Variants in NGEF observed in about 807,000 individuals in gnomAD.
NGEF encodes the protein neuronal guanine nucleotide exchange factor.
In NGEF, 31 loss-of-function variants were observed where a neutral mutation model predicts 80.9. The observed-to-expected ratio is 0.38, with a 90% CI of 0.29 to 0.52. The LOEUF is 0.52. NGEF is among the 20% of genes least tolerant of loss of function. NGEF has a pLI of 0.84. For synonymous variants in NGEF, 371 were observed against 370.2 expected (o/e 1.00, Z -0.03); for missense variants, 709 against 926.2 (o/e 0.77, Z 3.04).
chr2:232,895,613 G>C (rs1303451162), intron 5 of NGEF, among the ~76,000 whole-genome samples: 2 of 152,036 alleles, frequency 1.3e-5, no homozygotes, highest in Admixed American at 1.3e-4. Flanking sequence ...GTGCTAGTGG[G>C]TGCGAAAGTC....
At chr2:232,885,509 C>G (rs1424345485) in intron 9 of NGEF, 140 bp from the exon 10 acceptor site, 6 of 671,542 alleles carry the variant, frequency 8.9e-6, no homozygotes, top group Non-Finnish European at 1.6e-5. Flanking sequence ...GCTGGCCAGT[C>G]TCAGTCGGAC....
chr2:232,968,461 A>G (rs1425737404), intron 3 of NGEF, among the ~76,000 whole-genome samples: 2 of 151,036 alleles, frequency 1.3e-5, no homozygotes, highest in African/African-American at 4.9e-5. Context: ...GCTGGAGGGC[A>G]ATGGCATGAT....
chr2:232,951,265 A>T (rs1182844421), intron 3 of NGEF, among the ~76,000 whole-genome samples: 1 of 151,818 alleles, frequency 6.6e-6, no homozygotes, highest in Non-Finnish European at 1.5e-5. Context: ...CATCCCTGGC[A>T]CCTCCTGAGG....
At chr2:232,894,626 T>G (rs950437995) in intron 6 of NGEF, 130 bp downstream of exon 6, 10 of 981,238 alleles carry the variant, frequency 1.0e-5, no homozygotes, top group Admixed American at 2.6e-5. Context: ...TATTTATATT[T>G]TATTATGGAA....
Position 232,879,470 on chromosome 2 carries a change from C to A in NGEF, c.*19G>T. On this transcript the variant is annotated 3_prime_UTR_variant, in exon 15 of 15. Transcript: ENST00000264051. ...GGGTCTCATGCAGGCCCTGCTCCCG[C>A]TGGCCCCCTGGGTGGGGGTCATTGC... 1.3e-6 allele frequency: 2 copies of A among 1,596,882 alleles called. No individual in the cohort carries two copies. Among genetic ancestry groups the A allele is most frequent in the Non-Finnish European group, 1.7e-6 (2 of 1,167,846 alleles).
At chr2:233,001,783 G>C (rs187628752) in intron 1 of NGEF, among the ~76,000 whole-genome samples, 1 of 152,206 alleles carries the variant, frequency 6.6e-6, no homozygotes, top group African/African-American at 2.4e-5. Flanking sequence ...GGGAGGCCGA[G>C]GCGGGTGGAT....
chr2:232,942,658 C>T (rs895921809), intron 3 of NGEF, among the ~76,000 whole-genome samples: 4 of 152,190 alleles, frequency 2.6e-5, no homozygotes, highest in East Asian at 1.9e-4. Context: ...GGGTGGATCA[C>T]GAGGCCAGGA....
At chr2:232,930,396 T>A (rs1427510240) in intron 3 of NGEF, among the ~76,000 whole-genome samples, 1 of 151,892 alleles carries the variant, frequency 6.6e-6, no homozygotes, top group Non-Finnish European at 1.5e-5. Flanking sequence ...CTCGGCTTAC[T>A]GCAACTTCTG....
intron 5 of NGEF, among the ~76,000 whole-genome samples, chr2:232,916,769 A>C (rs750637908): frequency 1.1e-4 from 17 of 152,216 alleles, no homozygotes; most frequent in Admixed American, 2.0e-4. Flanking sequence ...GCCTTTTTGA[A>C]TGGCAATTGG....
At chr2:232,933,914 G>C (rs1693269972) in intron 3 of NGEF, among the ~76,000 whole-genome samples, 1 of 152,174 alleles carries the variant, frequency 6.6e-6, no homozygotes, top group South Asian at 2.1e-4. Context: ...TGGGCACCCT[G>C]CTGCCTCACT....
chr2:232,883,094 C>T (rs1464614990), intron 12 of NGEF, among the ~76,000 whole-genome samples: 3 of 152,150 alleles, frequency 2.0e-5, no homozygotes, highest in Admixed American at 6.5e-5. Flanking sequence ...CACACACGCA[C>T]ACACGTACAC....
chr2:232,951,488 A>G (rs959376779), intron 3 of NGEF, among the ~76,000 whole-genome samples: 1 of 152,206 alleles, frequency 6.6e-6, no homozygotes. Flanking sequence ...AAACTTGGCA[A>G]AAATGGAGCA....
At chr2:232,969,448 CCCTT>C (rs78124787) in intron 3 of NGEF, among the ~76,000 whole-genome samples, 15 of 51,374 alleles carry the variant, frequency 2.9e-4, no homozygotes, top group South Asian at 6.9e-4. Context: ...TCCCTCCCTC[CCCTT>C]CCTTCCTTCC....
chr2:233,006,187 T>C (rs760998442), intron 1 of NGEF, among the ~76,000 whole-genome samples: 1 of 152,222 alleles, frequency 6.6e-6, no homozygotes, highest in African/African-American at 2.4e-5. Context: ...CTCTTCTTAG[T>C]GATGGAGCTC....
chr2:232,881,342 G>A, intron 13 of NGEF, 92 bp from the exon 14 acceptor site: 1 of 927,028 alleles, frequency 1.1e-6, no homozygotes, highest in South Asian at 1.4e-5. Context: ...GCCTAGAATA[G>A]GAAAACTCCC....
intron 3 of NGEF, among the ~76,000 whole-genome samples, chr2:232,936,699 G>A: frequency 6.6e-6 from 1 of 152,358 alleles, no homozygotes; most frequent in Middle Eastern, 3.4e-3. Context: ...CAAGGGAGAA[G>A]ACCACTGGAA....
intron 6 of NGEF, among the ~76,000 whole-genome samples, chr2:232,893,690 G>T (rs899319974): frequency 6.6e-6 from 1 of 152,248 alleles, no homozygotes; most frequent in South Asian, 2.1e-4. Context: ...CAGGAGAATC[G>T]CTCGAACCCA....
chr2:232,969,231 T>A (rs1246420502), intron 3 of NGEF, among the ~76,000 whole-genome samples: 2 of 152,050 alleles, frequency 1.3e-5, no homozygotes, highest in African/African-American at 2.4e-5. Context: ...AAAAAAAGAC[T>A]TGAAGCACAT....
intron 5 of NGEF, among the ~76,000 whole-genome samples, chr2:232,906,196 C>T (rs1199589496): frequency 7.1e-5 from 2 of 28,160 alleles, no homozygotes; most frequent in Non-Finnish European, 1.5e-4. Flanking sequence ...CCTGGCCAGC[C>T]GCCCCGTCCG....
Sources: gnomAD v4.1 joint callset for allele counts (sites outside exome capture counted in the v4.1 genomes callset) on GRCh38, gnomAD v4.1.1 for gene constraint, MANE v1.5 for transcripts, NCBI Gene and HGNC (gene_info 2026-07-23, HGNC 2026-07-21) for gene names.